Variants in CORIN observed in about 807,000 individuals in gnomAD.
CORIN encodes the protein corin, serine peptidase.
In CORIN, 117 loss-of-function variants were observed where a neutral mutation model predicts 125.3. The observed-to-expected ratio is 0.93, with a 90% CI of 0.80 to 1.09. The LOEUF (loss-of-function observed/expected upper bound fraction) is 1.09. CORIN is among the 50% of genes least tolerant of loss of function. The probability of loss-of-function intolerance (pLI) is 0.00; values close to 1 mark genes in which losing one functional copy is unlikely to be tolerated. For missense variants in CORIN, 1,253 were observed against 1,306.7 expected, an observed-to-expected ratio of 0.96 and a Z score of 0.63; for synonymous variants, 450 against 466.4, an observed-to-expected ratio of 0.96 and a Z score of 0.45.
chr4:47,817,450 C>A (rs976352458), intron 1 of CORIN, among the ~76,000 whole-genome samples: 1 of 152,062 alleles, frequency 6.6e-6, no homozygotes, highest in Non-Finnish European at 1.5e-5. Flanking sequence ...GGACCCATAC[C>A]AAACATGGTC....
intron 19 of CORIN, among the ~76,000 whole-genome samples, chr4:47,609,716 C>A (rs1040002182): frequency 2.0e-5 from 3 of 152,034 alleles, no homozygotes; most frequent in Non-Finnish European, 4.4e-5. Flanking sequence ...GGTATTAAGC[C>A]CAGCATCCAT....
Position 47,690,965 on chromosome 4 carries a change from G to T in CORIN, c.913+2005C>A, listed in dbSNP as rs570856009. 1.5e-4 allele frequency among the ~76,000 whole-genome samples: 23 copies of T among 152,238 alleles called. 1 individual carries two copies. The highest frequency in any genetic ancestry group is 1.0e-3 in the South Asian group (5 of 4,820). The stretch of plus-strand genomic sequence containing the variant: ...TTCTGAAGGGATGTATTTCCCCAAC[G>T]GACCAAAAGATCATTTTTGTGATAT... On this transcript the variant is annotated intron_variant, in intron 6 of 21. Transcript: ENST00000273857.
intron 6 of CORIN, among the ~76,000 whole-genome samples, chr4:47,687,905 T>A (rs953439993): frequency 2.0e-5 from 3 of 152,080 alleles, no homozygotes; most frequent in African/African-American, 7.2e-5. Context: ...AGAAAAGGGT[T>A]TCTCAACGGC....
intron 1 of CORIN, among the ~76,000 whole-genome samples, chr4:47,808,064 G>A (rs188540754): frequency 3.3e-5 from 5 of 152,076 alleles, no homozygotes; most frequent in East Asian, 1.9e-4. Flanking sequence ...GGGTAGCAGC[G>A]TCTCTTTTTA....
intron 2 of CORIN, chr4:47,790,269 C>G: frequency 1.1e-6 from 1 of 880,338 alleles, no homozygotes; most frequent in Non-Finnish European, 1.4e-6. Context: ...AAATGGCTCC[C>G]CGGCAGAACC....
intron 14 of CORIN, among the ~76,000 whole-genome samples, chr4:47,644,594 T>C (rs991753450): frequency 1.3e-5 from 2 of 152,210 alleles, no homozygotes; most frequent in African/African-American, 4.8e-5. Flanking sequence ...AAAAATTTAA[T>C]AATTATACCA....
At chr4:47,780,961 T>C (rs1330289225) in intron 3 of CORIN, among the ~76,000 whole-genome samples, 3 of 150,538 alleles carry the variant, frequency 2.0e-5, no homozygotes, top group African/African-American at 7.3e-5. Flanking sequence ...TTTAAACGTT[T>C]CAATATTAAA....
intron 16 of CORIN, among the ~76,000 whole-genome samples, chr4:47,634,865 C>T (rs934108633): frequency 3.3e-5 from 5 of 151,970 alleles, no homozygotes; most frequent in African/African-American, 9.7e-5. Context: ...AAGTAAATAT[C>T]GAGAAGGAAG....
intron 19 of CORIN, among the ~76,000 whole-genome samples, chr4:47,613,579 C>G (rs890521924): frequency 2.6e-5 from 4 of 151,622 alleles, no homozygotes; most frequent in Non-Finnish European, 5.9e-5. Flanking sequence ...CAATGATAGA[C>G]TGGATTAAGA....
At chr4:47,732,102 C>T (rs548928147) in intron 5 of CORIN, among the ~76,000 whole-genome samples, 1 of 151,968 alleles carries the variant, frequency 6.6e-6, no homozygotes, top group African/African-American at 2.4e-5. Context: ...TGGCTATAAG[C>T]AAATATGAGA....
chr4:47,642,233 T>C (rs1272631343), intron 15 of CORIN, among the ~76,000 whole-genome samples, 184 bp from the exon 16 acceptor site: 2 of 151,848 alleles, frequency 1.3e-5, no homozygotes, highest in Non-Finnish European at 2.9e-5. Context: ...AAAAAAAAAA[T>C]GAATTAGAAA....
chr4:47,607,503 G>A (rs746527538), intron 19 of CORIN, among the ~76,000 whole-genome samples: 5 of 151,782 alleles, frequency 3.3e-5, no homozygotes, highest in Non-Finnish European at 4.4e-5. Flanking sequence ...TCTTCTTTTT[G>A]TTATGAGTAT....
Position 47,623,919 on chromosome 4 carries a change from G to T in CORIN, c.2345C>A (p.Ser782Tyr), listed in dbSNP as rs371632457. ...CTCACCTTGTTTAGTACACAGAAGA[G>T]AAATTTTACTTCTGCTCTCACAAGA... ...GQSCESRSKI[S>Y]LLCTKQDCGR... The change falls in exon 18 of 22, where the codon TCT (serine) becomes TAT (tyrosine). Residue 782 changes from serine (S) to tyrosine (Y), a missense_variant. Ser to Tyr is a moderately radical substitution (Grantham distance 144). Transcript: ENST00000273857. 8.2e-5 allele frequency: 132 copies of T among 1,613,728 alleles called. No individual in the cohort carries two copies. The highest frequency in any genetic ancestry group is 4.0e-5 in the African/African-American group (3 of 74,924).
At position 47,683,714 on chromosome 4, in the gene CORIN, G is replaced by T. The variant is rs1642993518; in HGVS notation, c.1021+17C>A. ...ATGATTTTAAATTAAAACCTTTGGG[G>T]AAACAATGCTACTTACCACAGTTTT... On this transcript the variant is annotated intron_variant, in intron 7 of 21. Coordinates refer to ENST00000273857, the MANE Select transcript of CORIN (RefSeq NM_006587.4). The T allele has an allele frequency of 1.9e-6, 3 of 1,556,582 alleles. No individual in the cohort carries two copies. The highest frequency in any genetic ancestry group is 2.7e-5 in the African/African-American group (2 of 73,238).
rs76846419 is a variant in CORIN, at chr4:47,764,235, C to T, written c.410-649G>A. Among the ~76,000 whole-genome samples the T allele has an allele frequency of 2.0e-3, 299 of 152,196 alleles. 1 individual carries two copies. Among genetic ancestry groups the T allele is most frequent in the African/African-American group, 6.8e-3 (284 of 41,534 alleles). On this transcript the variant is annotated intron_variant, in intron 3 of 21. Transcript: ENST00000273857. ...GTATACAATGATCTTGTTTTTAAAA[C>T]ACACAATTATGCAAAGATTTGTAAT...
intron 19 of CORIN, among the ~76,000 whole-genome samples, chr4:47,607,099 T>A (rs1300863835): frequency 6.6e-6 from 1 of 152,196 alleles, no homozygotes; most frequent in Non-Finnish European, 1.5e-5. Context: ...TTATAAAAAA[T>A]TAGTGTCAAT....
At chr4:47,667,616 G>A (rs973051704) in intron 10 of CORIN, among the ~76,000 whole-genome samples, 8 of 152,094 alleles carry the variant, frequency 5.3e-5, no homozygotes, top group South Asian at 4.1e-4. Context: ...GAAAGAATCC[G>A]AGGATATCAC....
intron 2 of CORIN, among the ~76,000 whole-genome samples, chr4:47,796,186 T>C (rs987109122): frequency 5.3e-4 from 81 of 152,072 alleles, no homozygotes; most frequent in African/African-American, 2.0e-3. Flanking sequence ...TTATTCACAA[T>C]AGCCAAGACA....
intron 2 of CORIN, among the ~76,000 whole-genome samples, chr4:47,794,890 G>A (rs73238634): frequency 0.026 from 3,954 of 151,824 alleles, 77 homozygotes; most frequent in Non-Finnish European, 0.033. Context: ...TTTTTTTTCC[G>A]ATGTTTTCTT....
Sources: allele counts gnomAD v4.1 joint callset (sites outside exome capture counted in the v4.1 genomes callset), GRCh38; gene constraint gnomAD v4.1.1; transcripts MANE v1.5; gene names NCBI Gene and HGNC (gene_info 2026-07-23, HGNC 2026-07-21).